The following ATP6V1H variants were observed in gnomAD, a reference collection of about 807,000 sequenced individuals.
The protein encoded by ATP6V1H is V-type proton ATPase subunit H.
Under a neutral mutation model 71.7 loss-of-function variants are expected in ATP6V1H, and 39 were observed. The observed-to-expected ratio is 0.54, with a 90% CI of 0.42 to 0.71. The LOEUF (loss-of-function observed/expected upper bound fraction) is 0.71. Among genes scored for constraint, ATP6V1H ranks in the 30% least tolerant of loss-of-function variants. ATP6V1H has a pLI of 0.00. For missense variants in ATP6V1H, 509 were observed against 594.9 expected (o/e 0.86, Z 1.50); for synonymous variants, 192 against 199.3 (o/e 0.96, Z 0.31).
Position 53,744,282 on chromosome 8 carries a change from G to T in ATP6V1H, c.1278-592C>A, listed in dbSNP as rs771162140. ...CGAAGGAGAACATTCATATCTTCGA[G>T]ACCACCGAGATGACTGACAACCGAC... On this transcript the variant is annotated intron_variant, in intron 12 of 13. Transcript: ENST00000359530. 8.5e-4 allele frequency among the ~76,000 whole-genome samples: 128 copies of T among 150,438 alleles called. 1 individual carries two copies. Among genetic ancestry groups the T allele is most frequent in the Admixed American group, 2.3e-3 (35 of 15,098 alleles).
At chr8:53,795,927 C>T in intron 8 of ATP6V1H, 88 bp from the exon 9 acceptor site, 1 of 1,176,438 alleles carries the variant, frequency 8.5e-7, no homozygotes, top group Non-Finnish European at 1.2e-6. Context: ...ACTAATGGAA[C>T]AGGTCTCTCT....
At chr8:53,740,724 C>T (rs999419449) in intron 13 of ATP6V1H, among the ~76,000 whole-genome samples, 10 of 152,154 alleles carry the variant, frequency 6.6e-5, no homozygotes, top group African/African-American at 2.4e-4. Context: ...TTAGTATAGA[C>T]AACTAGGTTA....
chr8:53,792,216 G>A (rs1238081645), intron 9 of ATP6V1H, among the ~76,000 whole-genome samples: 5 of 152,174 alleles, frequency 3.3e-5, no homozygotes, highest in South Asian at 4.1e-4. Flanking sequence ...AGGAGGCTCC[G>A]CATTTGCCTG....
chr8:53,719,524 C>G (rs1370215265), intron 13 of ATP6V1H, among the ~76,000 whole-genome samples: 1 of 152,126 alleles, frequency 6.6e-6, no homozygotes, highest in Non-Finnish European at 1.5e-5. Context: ...GAAAACATTC[C>G]CAAGACTGGG....
chr8:53,794,932 G>A (rs1440686842), intron 9 of ATP6V1H, among the ~76,000 whole-genome samples: 1 of 152,108 alleles, frequency 6.6e-6, no homozygotes, highest in Admixed American at 6.5e-5. Flanking sequence ...GCACTATATG[G>A]GACATGTCCA....
At chr8:53,782,164 T>C (rs1471472223) in intron 9 of ATP6V1H, among the ~76,000 whole-genome samples, 1 of 152,202 alleles carries the variant, frequency 6.6e-6, no homozygotes, top group Non-Finnish European at 1.5e-5. Flanking sequence ...TGATTCTTCC[T>C]ACCCATGAGC....
intron 9 of ATP6V1H, among the ~76,000 whole-genome samples, chr8:53,775,875 C>T (rs956361785): frequency 2.6e-5 from 4 of 152,266 alleles, no homozygotes; most frequent in African/African-American, 7.2e-5. Flanking sequence ...GTGGAGCTGC[C>T]TGCCAGTCCT....
intron 9 of ATP6V1H, among the ~76,000 whole-genome samples, chr8:53,783,936 T>C (rs1809264908): frequency 6.6e-6 from 1 of 152,190 alleles, no homozygotes; most frequent in Admixed American, 6.5e-5. Context: ...TTCTCTTACA[T>C]TTGCTAAGGG....
At chr8:53,788,001 C>A (rs1006344931) in intron 9 of ATP6V1H, among the ~76,000 whole-genome samples, 2 of 152,068 alleles carry the variant, frequency 1.3e-5, no homozygotes, top group Non-Finnish European at 2.9e-5. Flanking sequence ...CAAATAACCT[C>A]ATCAGTAAAA....
chr8:53,833,322 C>T lies in ATP6V1H; in HGVS notation c.114-236G>A, dbSNP rs184650995. 1.1e-5 allele frequency: 5 copies of T among 467,874 alleles called. No homozygotes were observed. The East Asian group carries it at 1.5e-4, about 14-fold the overall frequency. The allele number at this position is 467,874 out of a possible 1,614,324, so 29.0% of individuals were successfully genotyped here. A position where few individuals can be genotyped will look rare whatever the true frequency, so the allele number is the denominator to read the frequency against. On this transcript the variant is annotated intron_variant, in intron 2 of 13. Coordinates refer to ENST00000359530, the MANE Select transcript of ATP6V1H (RefSeq NM_015941.4). ...AAAATGCGAACAATAATCGCATTGC[C>T]TCTAAGGGGCTGTACTGAGGATAAA...
At chr8:53,780,158 C>CAA (rs374742457) in intron 9 of ATP6V1H, among the ~76,000 whole-genome samples, 34 of 62,528 alleles carry the variant, frequency 5.4e-4, no homozygotes, top group African/African-American at 1.5e-3. Context: ...GACTCCATCT[C>CAA]AAAAAAAAAA....
intron 13 of ATP6V1H, among the ~76,000 whole-genome samples, chr8:53,740,612 A>C (rs1470614330): frequency 6.6e-6 from 1 of 152,246 alleles, no homozygotes; most frequent in Non-Finnish European, 1.5e-5. Flanking sequence ...GTAGAAAAGA[A>C]AACAATTTAG....
chr8:53,791,960 T>C (rs1168484732), intron 9 of ATP6V1H, among the ~76,000 whole-genome samples: 1 of 152,224 alleles, frequency 6.6e-6, no homozygotes, highest in African/African-American at 2.4e-5. Flanking sequence ...AAAGACTCCA[T>C]TTCTGAAAAT....
intron 8 of ATP6V1H, among the ~76,000 whole-genome samples, chr8:53,800,227 T>C (rs1809864946): frequency 6.6e-6 from 1 of 152,188 alleles, no homozygotes; most frequent in African/African-American, 2.4e-5. Flanking sequence ...TCAGCCTGTG[T>C]CTTTGTCCCT....
Position 53,791,668 on chromosome 8 carries a change from C to A in ATP6V1H, c.870+3979G>T, listed in dbSNP as rs35780112. On this transcript the variant is annotated intron_variant, in intron 9 of 13. Transcript: ENST00000359530. ...TTCCTGGTTCAAAAGGCCCCTTGAG[C>A]CCTCTCTTCTCCTCACATCCCCGTT... Among the ~76,000 whole-genome samples, 9 of 152,290 alleles carry A rather than the reference C, an allele frequency of 5.9e-5. No homozygotes were observed. In the East Asian group the frequency reaches 1.7e-3, roughly 29 times the overall value.
intron 9 of ATP6V1H, among the ~76,000 whole-genome samples, chr8:53,795,211 T>C (rs1193356187): frequency 2.0e-5 from 3 of 152,228 alleles, no homozygotes; most frequent in Non-Finnish European, 4.4e-5. Flanking sequence ...AATATCCTAA[T>C]AGGATAACTT....
At chr8:53,839,131 C>T (rs16919588) in intron 2 of ATP6V1H, among the ~76,000 whole-genome samples, 5,159 of 152,212 alleles carry the variant, frequency 0.034, 168 homozygotes, top group East Asian at 0.16. Flanking sequence ...CCATGGGTAA[C>T]GAAGAACAGA....
intron 9 of ATP6V1H, among the ~76,000 whole-genome samples, chr8:53,773,170 T>G (rs1414852297): frequency 6.6e-6 from 1 of 152,206 alleles, no homozygotes; most frequent in African/African-American, 2.4e-5. Flanking sequence ...TGATATTCAA[T>G]AATAAAATAT....
intron 2 of ATP6V1H, among the ~76,000 whole-genome samples, chr8:53,836,697 A>G (rs971590115): frequency 1.3e-5 from 2 of 152,222 alleles, no homozygotes; most frequent in Non-Finnish European, 2.9e-5. Flanking sequence ...ATATGGGGTC[A>G]TATTATTCCC....
Sources: allele counts gnomAD v4.1 joint callset (sites outside exome capture counted in the v4.1 genomes callset), GRCh38; gene constraint gnomAD v4.1.1; transcripts MANE v1.5; gene names NCBI Gene and HGNC (gene_info 2026-07-23, HGNC 2026-07-21).